TACC2: variants seen among roughly 807,000 people sequenced by gnomAD.
TACC2 encodes transforming acidic coiled-coil-containing protein 2.
In TACC2, 137 loss-of-function variants were observed where a neutral mutation model predicts 227.3. The observed-to-expected ratio is 0.60, with a 90% CI of 0.52 to 0.69. The LOEUF (loss-of-function observed/expected upper bound fraction) is 0.69. TACC2 is among the 30% of genes least tolerant of loss of function. TACC2 has a pLI of 0.00. For missense variants in TACC2, 3,470 were observed against 3,694.4 expected (o/e 0.94, Z 1.57); for synonymous variants, 1,523 against 1,487.5 (o/e 1.02, Z -0.55).
At chr10:122,039,818 T>C (rs376252055) in intron 2 of TACC2, among the ~76,000 whole-genome samples, 1,897 of 79,470 alleles carry the variant, frequency 0.024, 36 homozygotes, top group African/African-American at 0.072. Flanking sequence ...TCAGCACAAA[T>C]GCTATTGAAA....
chr10:122,089,838 G>A (rs745939500), intron 5 of TACC2, among the ~76,000 whole-genome samples: 1 of 152,176 alleles, frequency 6.6e-6, no homozygotes, highest in Non-Finnish European at 1.5e-5. Context: ...TGCCTCTGCC[G>A]CCTGGCAGTA....
intron 5 of TACC2, chr10:122,088,840 T>G (rs557001088): frequency 7.8e-7 from 1 of 1,279,430 alleles, no homozygotes; most frequent in South Asian, 1.5e-5. Context: ...AAAAAGTCAG[T>G]CTGGGTGCGG....
At position 122,224,622 on chromosome 10, in the gene TACC2, G is replaced by A. The variant is rs1008377504; in HGVS notation, c.7547-104G>A. On this transcript the variant is annotated intron_variant, in intron 11 of 22. Transcript: ENST00000369005. ...GCACCGTCAGAAAGCCCAGAGCCTT[G>A]TGATAGCTCCCACCCTGCCTGGCTC... 3 of 974,794 alleles carry A rather than the reference G, an allele frequency of 3.1e-6. No homozygotes were observed. In the African/African-American group the frequency reaches 4.8e-5, roughly 16 times the overall value. 60.4% of individuals were successfully genotyped at this position (974,794 alleles called of 1,614,324 possible). A position where few individuals can be genotyped will look rare whatever the true frequency, so the allele number is the denominator to read the frequency against.
chr10:122,058,319 G>C (rs1169284505), intron 3 of TACC2, among the ~76,000 whole-genome samples: 1 of 152,162 alleles, frequency 6.6e-6, no homozygotes, highest in Non-Finnish European at 1.5e-5. Context: ...TCAAGTGCCT[G>C]CTTCCGGCTT....
chr10:122,154,137 C>T (rs970192743), intron 7 of TACC2, among the ~76,000 whole-genome samples: 7 of 152,206 alleles, frequency 4.6e-5, no homozygotes, highest in Admixed American at 1.3e-4. Context: ...CTGCCTTTCT[C>T]GTCTGTGTCC....
In TACC2 at chr10:122,141,681, TC is replaced by T. The variant is rs948292622; in HGVS notation, c.5700-1884del. 1.5e-4 allele frequency among the ~76,000 whole-genome samples: 23 copies of T among 150,852 alleles called. No individual in the cohort carries two copies. The highest frequency in any genetic ancestry group is 2.0e-4 in the Admixed American group (3 of 15,178). On this transcript the variant is annotated intron_variant, in intron 6 of 22. Transcript: ENST00000369005. The surrounding 1 kb of genome is among the most constrained non-coding windows in gnomAD (Gnocchi z 4.3). The stretch of plus-strand genomic sequence containing the variant: ...CGGGCCACAGATCTAAGGTAGCATC[TC>T]CCCCCCACCCGCCACTGTTTTCTAA...
intron 3 of TACC2, among the ~76,000 whole-genome samples, chr10:122,074,081 C>CT (rs3981240): frequency 0.5 from 66,463 of 131,856 alleles, 17,039 homozygotes; most frequent in East Asian, 0.55. Flanking sequence ...CACCCGGCAT[C>CT]TTTTTTTTTT....
At chr10:122,076,699 A>G (rs982188069) in intron 3 of TACC2, among the ~76,000 whole-genome samples, 11 of 151,556 alleles carry the variant, frequency 7.3e-5, no homozygotes, top group Non-Finnish European at 1.5e-4. Flanking sequence ...ACTTTGTTTC[A>G]CAGAAGTATT....
intron 3 of TACC2, among the ~76,000 whole-genome samples, chr10:122,068,751 C>T (rs2077669853): frequency 6.6e-6 from 1 of 151,528 alleles, no homozygotes; most frequent in Admixed American, 6.6e-5. Flanking sequence ...GCAACCTCCG[C>T]TTTCCGGGTT....
At chr10:122,187,217 C>T (rs1431422812) in intron 7 of TACC2, among the ~76,000 whole-genome samples, 1 of 152,226 alleles carries the variant, frequency 6.6e-6, no homozygotes, top group African/African-American at 2.4e-5. Flanking sequence ...CACAGTGCCA[C>T]ACTGAGCCCC....
chr10:122,057,119 G>C (rs2076283765), intron 3 of TACC2, among the ~76,000 whole-genome samples: 1 of 152,216 alleles, frequency 6.6e-6, no homozygotes, highest in South Asian at 2.1e-4. Context: ...TTGAACCCAG[G>C]AGGCAGATGT....
chr10:122,055,390 C>T (rs1360767318), intron 3 of TACC2, among the ~76,000 whole-genome samples: 6 of 152,070 alleles, frequency 3.9e-5, no homozygotes, highest in African/African-American at 4.8e-5. Flanking sequence ...TAAAAAAGAA[C>T]GAGATCATGT....
At chr10:122,129,057 TTTA>T (rs57308783) in intron 5 of TACC2, among the ~76,000 whole-genome samples, 29,069 of 124,334 alleles carry the variant, frequency 0.23, 3,588 homozygotes, top group South Asian at 0.3. Flanking sequence ...TCTATCTTAT[TTTA>T]ATTATTATTA....
chr10:122,210,342 G>C lies in TACC2; in HGVS notation c.5972-55G>C, dbSNP rs1252104389. ...GGTGATGTTTTGGTACAAGAGGAGA[G>C]GTGCCCCAATGCGTCCTGTGTCTGT... is the stretch of plus-strand genomic sequence containing the variant. On this transcript the variant is annotated intron_variant, in intron 8 of 22. Coordinates refer to ENST00000369005, the MANE Select transcript of TACC2 (RefSeq NM_206862.4). This position sits in a 1 kb window ranked among gnomAD's most constrained non-coding sequence, Gnocchi z 4.6. 7.2e-7 allele frequency: 1 copy of C among 1,385,648 alleles called. No individual in the cohort carries two copies. Among genetic ancestry groups the C allele is most frequent in the Non-Finnish European group, 1.0e-6 (1 of 973,928 alleles). The allele number at this position is 1,385,648 out of a possible 1,614,324, so 85.8% of individuals were successfully genotyped here.
intron 22 of TACC2, among the ~76,000 whole-genome samples, chr10:122,253,344 T>G (rs922100464): frequency 1.3e-5 from 2 of 152,200 alleles, no homozygotes; most frequent in African/African-American, 4.8e-5. Context: ...ATCGTCCCGT[T>G]GGATCCCCTC....
chr10:122,179,557 A>G (rs1298009730), intron 7 of TACC2, among the ~76,000 whole-genome samples: 1 of 152,096 alleles, frequency 6.6e-6, no homozygotes, highest in Non-Finnish European at 1.5e-5. Context: ...AAACCCGGCC[A>G]CTTCTCACCT....
chr10:122,041,510 G>A (rs1211552534), intron 2 of TACC2, among the ~76,000 whole-genome samples: 3 of 150,076 alleles, frequency 2.0e-5, no homozygotes, highest in Non-Finnish European at 4.4e-5. Flanking sequence ...GCAATGGCGC[G>A]ATCTCGGCTC....
At chr10:122,056,902 A>C (rs1591529606) in intron 3 of TACC2, among the ~76,000 whole-genome samples, 1 of 152,172 alleles carries the variant, frequency 6.6e-6, no homozygotes, top group East Asian at 1.9e-4. Flanking sequence ...GCTTTTAAAC[A>C]AGGGCTGGGC....
chr10:122,132,741 T>TG lies in TACC2; in HGVS notation c.5699+12dup. 6.2e-7 allele frequency: 1 copy of TG among 1,613,902 alleles called. No homozygotes were observed. Among genetic ancestry groups the TG allele is most frequent in the Non-Finnish European group, 8.5e-7 (1 of 1,179,928 alleles). On this transcript the variant is annotated splice_region_variant and intron_variant, in intron 6 of 22. Transcript: ENST00000369005. ...CGGATCTGATAGCCCAGAGGTACGG[T>TG]GGGGGCCCTGGAGCTGGTGATGAGA...
Sources: allele counts gnomAD v4.1 joint callset (sites outside exome capture counted in the v4.1 genomes callset), GRCh38; gene constraint gnomAD v4.1.1; non-coding constraint Gnocchi (gnomAD v3.1); transcripts MANE v1.5; gene names NCBI Gene and HGNC (gene_info 2026-07-23, HGNC 2026-07-21).